FBXL17: variants seen among roughly 807,000 people sequenced by gnomAD.
FBXL17 encodes the protein F-box and leucine rich repeat protein 17.
Under a neutral mutation model 66.2 loss-of-function variants are expected in FBXL17, and 22 were observed. That is an observed-to-expected ratio of 0.33 (90% confidence interval 0.24 to 0.47). The LOEUF is 0.47. FBXL17 is among the 20% of genes least tolerant of loss of function. The pLI, the probability that FBXL17 is intolerant of heterozygous loss-of-function variation, is 1.00. For synonymous variants in FBXL17, 474 were observed against 400.5 expected, an observed-to-expected ratio of 1.18 and a Z score of -2.19; for missense variants, 878 against 948.2, an observed-to-expected ratio of 0.93 and a Z score of 0.97.
chr5:107,989,652 C>A (rs186388322), intron 7 of FBXL17, among the ~76,000 whole-genome samples: 2 of 152,060 alleles, frequency 1.3e-5, no homozygotes, highest in Non-Finnish European at 2.9e-5. Context: ...TGGATATATA[C>A]CCAGCTGTGG....
chr5:107,925,213 T>C lies in FBXL17; in HGVS notation c.1823-44034A>G, dbSNP rs921996058. On this transcript the variant is annotated intron_variant, in intron 7 of 8. Coordinates refer to ENST00000542267, the MANE Select transcript of FBXL17 (RefSeq NM_001163315.3). ...TTCTTGAAAGAAAAACTCCCAAGTA[T>C]ATTTATTTTCTATAACACATGTGTT... Among the ~76,000 whole-genome samples, 5 of 152,338 alleles carry C rather than the reference T, an allele frequency of 3.3e-5. No individual in the cohort carries two copies. The East Asian group carries it at 9.6e-4, about 29-fold the overall frequency.
chr5:108,130,556 C>A (rs1750892229), intron 6 of FBXL17, among the ~76,000 whole-genome samples: 1 of 151,684 alleles, frequency 6.6e-6, no homozygotes, highest in Admixed American at 6.6e-5. Flanking sequence ...ATGTAAAAAC[C>A]CAGAACAAGC....
At chr5:108,379,641 A>G (rs745910008) in intron 1 of FBXL17, among the ~76,000 whole-genome samples, 1 of 152,244 alleles carries the variant, frequency 6.6e-6, no homozygotes, top group Non-Finnish European at 1.5e-5. Context: ...AATTCTTATC[A>G]AGGTTATTTA....
chr5:107,993,562 C>A (rs1753346936), intron 7 of FBXL17, among the ~76,000 whole-genome samples: 1 of 152,122 alleles, frequency 6.6e-6, no homozygotes, highest in African/African-American at 2.4e-5. Context: ...ATAGTCTAGG[C>A]AGTTGCTTTT....
intron 7 of FBXL17, among the ~76,000 whole-genome samples, chr5:107,890,347 G>C (rs1386252826): frequency 6.6e-6 from 1 of 150,838 alleles, no homozygotes; most frequent in Non-Finnish European, 1.5e-5. Context: ...GTTTTAAGCT[G>C]GTCTCAGATT....
At chr5:108,335,224 C>A (rs1760320442) in intron 4 of FBXL17, among the ~76,000 whole-genome samples, 1 of 137,122 alleles carries the variant, frequency 7.3e-6, no homozygotes, top group African/African-American at 2.8e-5. Flanking sequence ...CTCTCCCACT[C>A]CCCCACCCCC....
chr5:108,183,763 T>C (rs1349576502), intron 6 of FBXL17, among the ~76,000 whole-genome samples: 3 of 152,102 alleles, frequency 2.0e-5, no homozygotes, highest in Non-Finnish European at 4.4e-5. Flanking sequence ...TACCACTCTA[T>C]ATGCCATTGC....
intron 4 of FBXL17, among the ~76,000 whole-genome samples, chr5:108,254,210 T>C (rs192791614): frequency 1.0e-3 from 155 of 152,322 alleles, no homozygotes; most frequent in Non-Finnish European, 2.0e-3. Context: ...ATTATGCCTT[T>C]TGACAAATGT....
At chr5:108,171,488 G>A (rs1459500084) in intron 6 of FBXL17, among the ~76,000 whole-genome samples, 2 of 152,206 alleles carry the variant, frequency 1.3e-5, no homozygotes, top group East Asian at 3.9e-4. Context: ...CTATGTCATG[G>A]AGTTAATGTG....
At chr5:108,338,019 C>G (rs986878555) in intron 4 of FBXL17, among the ~76,000 whole-genome samples, 4 of 150,958 alleles carry the variant, frequency 2.6e-5, no homozygotes, top group African/African-American at 9.8e-5. Context: ...ATATGATAAA[C>G]AGAGATTTAT....
intron 8 of FBXL17, chr5:107,880,553 C>G: frequency 3.0e-6 from 3 of 1,013,384 alleles, no homozygotes; most frequent in Non-Finnish European, 3.5e-6. Flanking sequence ...CCACATACCC[C>G]CTTACTGGCC....
At chr5:108,019,809 G>A (rs982359638) in intron 7 of FBXL17, among the ~76,000 whole-genome samples, 5 of 151,448 alleles carry the variant, frequency 3.3e-5, no homozygotes, top group Non-Finnish European at 7.4e-5. Flanking sequence ...AACAACGTAA[G>A]TAAAGAAAAA....
chr5:108,139,732 T>C lies in FBXL17; in HGVS notation c.1745+46385A>G, dbSNP rs540409247. On this transcript the variant is annotated intron_variant, in intron 6 of 8. Coordinates refer to ENST00000542267, the MANE Select transcript of FBXL17 (RefSeq NM_001163315.3). The stretch of plus-strand genomic sequence containing the variant: ...TCAGCTTCTAACACTCCACAAACTC[T>C]TGGAAATGTTTAATCACCATCCATC... 2.2e-3 allele frequency among the ~76,000 whole-genome samples: 329 copies of C among 152,312 alleles called. 1 individual carries two copies. The highest frequency in any genetic ancestry group is 3.5e-3 in the Non-Finnish European group (239 of 68,028).
intron 4 of FBXL17, among the ~76,000 whole-genome samples, chr5:108,255,269 A>G (rs1756527431): frequency 6.6e-6 from 1 of 152,198 alleles, no homozygotes; most frequent in Admixed American, 6.5e-5. Context: ...AAAGCTCAGC[A>G]TGCAGCATAT....
At chr5:108,273,016 G>A (rs1365749444) in intron 4 of FBXL17, among the ~76,000 whole-genome samples, 1 of 152,092 alleles carries the variant, frequency 6.6e-6, no homozygotes. Context: ...GCATCCGGGG[G>A]AGACATCACA....
intron 6 of FBXL17, among the ~76,000 whole-genome samples, chr5:108,155,046 T>G (rs1751941045): frequency 6.6e-6 from 1 of 152,192 alleles, no homozygotes; most frequent in Admixed American, 6.5e-5. Flanking sequence ...ATATTCATGA[T>G]AAGCTGATCA....
chr5:108,303,120 AT>A (rs1016333432), intron 4 of FBXL17, among the ~76,000 whole-genome samples: 1 of 151,940 alleles, frequency 6.6e-6, no homozygotes, highest in Non-Finnish European at 1.5e-5. Context: ...GTTCAAAAAA[AT>A]CATAAGACTT....
chr5:107,944,759 G>A (rs1240611867), intron 7 of FBXL17, among the ~76,000 whole-genome samples: 13 of 152,098 alleles, frequency 8.5e-5, no homozygotes, highest in African/African-American at 9.6e-5. Context: ...CTCAATAAAC[G>A]TATATCCAAT....
At chr5:108,286,043 C>A (rs1196740479) in intron 4 of FBXL17, among the ~76,000 whole-genome samples, 1 of 151,858 alleles carries the variant, frequency 6.6e-6, no homozygotes, top group African/African-American at 2.4e-5. Flanking sequence ...ACAAAAAACA[C>A]ATGATTATCT....
Sources: allele counts gnomAD v4.1 joint callset (sites outside exome capture counted in the v4.1 genomes callset), GRCh38; gene constraint gnomAD v4.1.1; transcripts MANE v1.5; gene names NCBI Gene and HGNC (gene_info 2026-07-23, HGNC 2026-07-21).